The following SRGAP2B variants were observed in gnomAD, a reference collection of about 807,000 sequenced individuals.
The protein encoded by SRGAP2B is SLIT-ROBO Rho GTPase activating protein 2B.
In SRGAP2B, 9 loss-of-function variants were observed where a neutral mutation model predicts 22.2. The ratio of observed to expected loss-of-function variants is 0.41; its 90% CI spans 0.24 to 0.71. The LOEUF is 0.71. SRGAP2B is among the 30% of genes least tolerant of loss of function. SRGAP2B has a pLI of 0.35. For synonymous variants in SRGAP2B, 36 were observed against 87.4 expected, an observed-to-expected ratio of 0.41 and a Z score of 3.28; for missense variants, 114 against 235.8, an observed-to-expected ratio of 0.48 and a Z score of 3.38.
At chr1:144,925,142 A>C (rs1391124497) in intron 4 of SRGAP2B, among the ~76,000 whole-genome samples, 1 of 149,390 alleles carries the variant, frequency 6.7e-6, no homozygotes, top group Non-Finnish European at 1.5e-5. Context: ...AGCTGGGACT[A>C]CAGGTGTTCA....
At chr1:145,087,088 T>TA in intron 2 of SRGAP2B, among the ~76,000 whole-genome samples, 1 of 77,918 alleles carries the variant, frequency 1.3e-5, no homozygotes, top group Admixed American at 1.4e-4. Flanking sequence ...AAGAGTCATT[T>TA]AGATGGATGG....
intron 2 of SRGAP2B, among the ~76,000 whole-genome samples, chr1:145,062,725 A>AAG (rs1239903798): frequency 4.0e-5 from 6 of 148,912 alleles, no homozygotes; most frequent in African/African-American, 1.5e-4. Flanking sequence ...GACAACTAAA[A>AAG]AGAGAGACTT....
In SRGAP2B at chr1:144,915,786, C is replaced by T. The variant is rs782670741; in HGVS notation, c.424-1032G>A. On this transcript the variant is annotated intron_variant, in intron 4 of 9. Coordinates refer to ENST00000612199, the Ensembl canonical transcript of SRGAP2B. The stretch of plus-strand genomic sequence containing the variant: ...AGGAAGCAGGAAGGAAATTGTCACA[C>T]CTTCTATACTAAGTGTTCTATGCCA... Among the ~76,000 whole-genome samples the T allele has an allele frequency of 4.6e-4, 70 of 150,822 alleles. 1 individual carries two copies. Among genetic ancestry groups the T allele is most frequent in the South Asian group, 3.3e-3 (16 of 4,804 alleles).
chr1:145,082,217 C>T (rs1319225341), intron 2 of SRGAP2B, among the ~76,000 whole-genome samples: 1 of 146,660 alleles, frequency 6.8e-6, no homozygotes, highest in Admixed American at 6.6e-5. Flanking sequence ...TCATTCACAA[C>T]GTATAAATAA....
intron 2 of SRGAP2B, among the ~76,000 whole-genome samples, chr1:145,013,086 A>G (rs1672177495): frequency 6.6e-6 from 1 of 150,894 alleles, no homozygotes; most frequent in South Asian, 2.1e-4. Flanking sequence ...CTGTCTCCAA[A>G]AAAAAGTGTG....
intron 5 of SRGAP2B, among the ~76,000 whole-genome samples, chr1:144,911,757 AT>A (rs1165025671): frequency 6.8e-6 from 1 of 146,704 alleles, no homozygotes; most frequent in Non-Finnish European, 1.5e-5. Flanking sequence ...AGCTGGGACT[AT>A]AGGCACCCAC....
intron 1 of SRGAP2B, among the ~76,000 whole-genome samples, chr1:145,093,697 C>T (rs1316026694): frequency 6.7e-6 from 1 of 148,296 alleles, no homozygotes; most frequent in Non-Finnish European, 1.5e-5. Context: ...GAACGCGGGG[C>T]ACCGGGCGGG....
intron 3 of SRGAP2B, among the ~76,000 whole-genome samples, chr1:144,976,871 T>C (rs1347174090): frequency 9.1e-4 from 45 of 49,196 alleles, no homozygotes; most frequent in Non-Finnish European, 1.4e-3. Flanking sequence ...TACAGTAGAA[T>C]TGCAACTGAT....
intron 4 of SRGAP2B, among the ~76,000 whole-genome samples, chr1:144,920,555 T>C (rs1570742726): frequency 1.3e-5 from 2 of 149,794 alleles, no homozygotes; most frequent in East Asian, 1.9e-4. Flanking sequence ...ACAGGCATGC[T>C]TGGCTAATTT....
At chr1:144,971,668 C>T (rs375130646) in intron 3 of SRGAP2B, among the ~76,000 whole-genome samples, 2 of 150,890 alleles carry the variant, frequency 1.3e-5, no homozygotes, top group East Asian at 1.9e-4. Context: ...ATCTTCTGTG[C>T]CTAATGTAGC....
At chr1:144,943,394 A>G (rs1364651288) in intron 4 of SRGAP2B, among the ~76,000 whole-genome samples, 2 of 151,866 alleles carry the variant, frequency 1.3e-5, no homozygotes, top group Admixed American at 6.5e-5. Flanking sequence ...TGACTAAAAC[A>G]GTAGATTACA....
chr1:145,009,612 C>A (rs1254905028), intron 2 of SRGAP2B, among the ~76,000 whole-genome samples: 3 of 149,094 alleles, frequency 2.0e-5, no homozygotes, highest in African/African-American at 7.6e-5. Flanking sequence ...CAAAATTGGC[C>A]CTGAGCTGAT....
chr1:145,063,658 G>A (rs1651160546), intron 2 of SRGAP2B, among the ~76,000 whole-genome samples: 1 of 149,650 alleles, frequency 6.7e-6, no homozygotes, highest in South Asian at 2.1e-4. Context: ...GGGGAGGGCT[G>A]CACCAATCTG....
chr1:144,898,378 T>C (rs1662438199), intron 7 of SRGAP2B, among the ~76,000 whole-genome samples: 1 of 116,676 alleles, frequency 8.6e-6, no homozygotes, highest in South Asian at 3.3e-4. Context: ...AATTCTTCTG[T>C]TAGAGAAAAG....
chr1:144,998,934 C>A (rs1238969020), intron 2 of SRGAP2B, among the ~76,000 whole-genome samples: 1 of 151,030 alleles, frequency 6.6e-6, no homozygotes, highest in Non-Finnish European at 1.5e-5. Context: ...TGAATACCAG[C>A]ACTCCTGGGC....
intron 3 of SRGAP2B, among the ~76,000 whole-genome samples, chr1:144,966,469 C>T (rs1157936859): frequency 2.0e-5 from 3 of 147,084 alleles, no homozygotes; most frequent in Admixed American, 6.6e-5. Context: ...CCAGGCCTGC[C>T]CTAAAAGAGC....
chr1:144,970,153 A>G (rs1423459487), intron 3 of SRGAP2B, among the ~76,000 whole-genome samples: 1 of 146,626 alleles, frequency 6.8e-6, no homozygotes, highest in African/African-American at 2.6e-5. Flanking sequence ...CTGGGTATAT[A>G]CCCAAATGAC....
intron 2 of SRGAP2B, among the ~76,000 whole-genome samples, chr1:145,041,138 C>T (rs1273926473): frequency 9.0e-6 from 1 of 111,118 alleles, no homozygotes; most frequent in Non-Finnish European, 1.8e-5. Context: ...ACTACTCTAC[C>T]ACTATTAGAA....
At chr1:145,082,078 AAAC>A in intron 2 of SRGAP2B, among the ~76,000 whole-genome samples, 3 of 144,898 alleles carry the variant, frequency 2.1e-5, no homozygotes, top group African/African-American at 8.1e-5. Context: ...ACAAACAAAC[AAAC>A]AAAAAAAACA....
Sources: gnomAD v4.1 joint callset for allele counts (sites outside exome capture counted in the v4.1 genomes callset) on GRCh38, gnomAD v4.1.1 for gene constraint, MANE v1.5 for transcripts, NCBI Gene and HGNC (gene_info 2026-07-23, HGNC 2026-07-21) for gene names.